Variants in FOXP1 observed in about 807,000 individuals in gnomAD.
FOXP1 encodes forkhead box protein P1.
Under a neutral mutation model 98.2 loss-of-function variants are expected in FOXP1, and 15 were observed. That is an observed-to-expected ratio of 0.15 (90% CI 0.10 to 0.24). FOXP1 has a LOEUF of 0.24. Among genes scored for constraint, FOXP1 ranks in the 10% least tolerant of loss-of-function variants. The probability of loss-of-function intolerance (pLI) is 1.00; values close to 1 mark genes in which losing one functional copy is unlikely to be tolerated. For missense variants in FOXP1, 633 were observed against 848.5 expected (o/e 0.75, Z 3.15); for synonymous variants, 371 against 314.5 (o/e 1.18, Z -1.90).
chr3:71,374,602 A>AAT (rs146114240), intron 3 of FOXP1, among the ~76,000 whole-genome samples: 36,134 of 151,584 alleles, frequency 0.24, 5,264 homozygotes, highest in Middle Eastern at 0.35. Flanking sequence ...CTCAAAAAAA[A>AAT]AAATAAAAAT....
intron 3 of FOXP1, among the ~76,000 whole-genome samples, chr3:71,361,258 C>G (rs879360804): frequency 6.6e-6 from 1 of 152,076 alleles, no homozygotes; most frequent in African/African-American, 2.4e-5. Flanking sequence ...ATCAGAGCAA[C>G]GAGATAATGA....
chr3:70,996,701 C>A (rs1035332481), intron 13 of FOXP1, among the ~76,000 whole-genome samples: 3 of 152,096 alleles, frequency 2.0e-5, no homozygotes, highest in African/African-American at 7.2e-5. Context: ...TCTGAATTGT[C>A]CTGTGGAATC....
chr3:71,195,043 G>A (rs1385448646), intron 6 of FOXP1, among the ~76,000 whole-genome samples: 1 of 152,132 alleles, frequency 6.6e-6, no homozygotes, highest in East Asian at 1.9e-4. Context: ...GCAGGCTGGA[G>A]GGCTCCCTGT....
intron 6 of FOXP1, among the ~76,000 whole-genome samples, chr3:71,123,020 C>G (rs2058891910): frequency 6.6e-6 from 1 of 152,128 alleles, no homozygotes; most frequent in Non-Finnish European, 1.5e-5. Flanking sequence ...TTTCCCCACA[C>G]AAAAGACTTG....
rs754750250 is a variant in FOXP1 at position 70,954,710 on chromosome 3, T to G, written c.*4537A>C. The G allele has an allele frequency of 1.4e-5, 3 of 222,076 alleles. No individual in the cohort carries two copies. The highest frequency in any genetic ancestry group is 4.5e-5 in the African/African-American group (2 of 44,746). 13.8% of individuals were successfully genotyped at this position (222,076 alleles called of 1,614,324 possible). A position where few individuals can be genotyped will look rare whatever the true frequency, so the allele number is the denominator to read the frequency against. On this transcript the variant is annotated 3_prime_UTR_variant, in exon 21 of 21. Coordinates refer to ENST00000649528, the MANE Select transcript of FOXP1 (RefSeq NM_001349338.3). ...AAACAAACTTAGGCTGTGGCAACTT[T>G]TACTACCAGCGTGAACAACCAGCAT...
intron 5 of FOXP1, among the ~76,000 whole-genome samples, chr3:71,204,730 G>T (rs1294790342): frequency 8.5e-6 from 1 of 117,766 alleles, no homozygotes; most frequent in Non-Finnish European, 1.7e-5. Context: ...CTACAAATGG[G>T]CTTGGATGGG....
At chr3:71,124,301 T>C (rs1478185824) in intron 6 of FOXP1, among the ~76,000 whole-genome samples, 1 of 151,664 alleles carries the variant, frequency 6.6e-6, no homozygotes, top group South Asian at 2.1e-4. Context: ...TCTCAGTTTT[T>C]GCCTTTTGAG....
chr3:71,262,644 G>C (rs576875718), intron 5 of FOXP1, among the ~76,000 whole-genome samples: 6 of 152,288 alleles, frequency 3.9e-5, no homozygotes, highest in Middle Eastern at 3.4e-3. Context: ...TCCCCTCATT[G>C]AGTGAGGGTC....
At chr3:71,391,759 C>A (rs1034052575) in intron 3 of FOXP1, among the ~76,000 whole-genome samples, 20 of 152,186 alleles carry the variant, frequency 1.3e-4, no homozygotes, top group African/African-American at 2.4e-4. Flanking sequence ...TTCTCTAGAG[C>A]TTCCTGAATT....
intron 3 of FOXP1, among the ~76,000 whole-genome samples, chr3:71,405,869 C>T (rs2082281155): frequency 6.6e-6 from 1 of 152,008 alleles, no homozygotes; most frequent in Non-Finnish European, 1.5e-5. Context: ...GCTGGGATTA[C>T]AGGTGCCCGC....
At chr3:71,198,432 G>GGGGGCC in intron 5 of FOXP1, 40 bp from the exon 6 acceptor site, 1 of 491,034 alleles carries the variant, frequency 2.0e-6, no homozygotes, top group East Asian at 5.7e-5. Flanking sequence ...GGGAGGGGGG[G>GGGGGCC]AGAAAAAAAA....
rs554275226 is a variant in FOXP1, at chr3:71,095,526, T to C, written c.282+17010A>G. 2.0e-5 allele frequency among the ~76,000 whole-genome samples: 3 copies of C among 152,240 alleles called. No individual in the cohort carries two copies. The East Asian group carries it at 5.8e-4, about 29-fold the overall frequency. ...GGTCTTCCTAGTTCCACACTGGCAG[T>C]TTTTTCTTTCCATATTTTGCAGAAT... On this transcript the variant is annotated intron_variant, in intron 7 of 20. Coordinates refer to ENST00000649528, the MANE Select transcript of FOXP1 (RefSeq NM_001349338.3).
chr3:71,526,518 A>C (rs1275607709), intron 2 of FOXP1, among the ~76,000 whole-genome samples: 2 of 152,222 alleles, frequency 1.3e-5, no homozygotes, highest in Admixed American at 1.3e-4. Flanking sequence ...ATTCCATCCA[A>C]AGCAGAAACG....
rs185933772 is a variant in FOXP1 at position 71,444,175 on chromosome 3, C to T, written c.-168+49251G>A. Reference sequence around the variant, plus strand: ...CCAACCACAGCTTACCACACGTGTACTCGGCCTACTTCCCTATTTTCAATG... The same window carrying T: ...CCAACCACAGCTTACCACACGTGTATTCGGCCTACTTCCCTATTTTCAATG... On this transcript the variant is annotated intron_variant, in intron 3 of 20. Transcript: ENST00000649528. Among the ~76,000 whole-genome samples, 5 of 152,346 alleles carry T rather than the reference C, an allele frequency of 3.3e-5. No individual in the cohort carries two copies. In the East Asian group the frequency reaches 9.6e-4, roughly 29 times the overall value.
chr3:71,529,233 C>G (rs2043635353), intron 2 of FOXP1, among the ~76,000 whole-genome samples: 1 of 152,212 alleles, frequency 6.6e-6, no homozygotes. Context: ...CTCAATACTT[C>G]ACATGCATAT....
At chr3:71,550,257 A>G (rs1319480914) in intron 2 of FOXP1, among the ~76,000 whole-genome samples, 1 of 152,182 alleles carries the variant, frequency 6.6e-6, no homozygotes, top group Non-Finnish European at 1.5e-5. Flanking sequence ...TATAAATCAC[A>G]TAGCAAAGCT....
intron 11 of FOXP1, among the ~76,000 whole-genome samples, chr3:71,019,017 T>C (rs2044978803): frequency 1.3e-5 from 2 of 152,352 alleles, no homozygotes; most frequent in South Asian, 2.1e-4. Flanking sequence ...GACTCGCTTC[T>C]AGCTTTGCAG....
chr3:71,271,452 A>G (rs906926486), intron 5 of FOXP1, among the ~76,000 whole-genome samples: 1 of 152,184 alleles, frequency 6.6e-6, no homozygotes, highest in Non-Finnish European at 1.5e-5. Context: ...TTAAGAGAAA[A>G]TTCACTGTAA....
intron 6 of FOXP1, chr3:71,130,419 G>T: frequency 7.0e-7 from 1 of 1,422,768 alleles, no homozygotes; most frequent in African/African-American, 1.4e-5. Flanking sequence ...GCCCTTCAGA[G>T]AATGTCTGCA....
Sources: allele counts gnomAD v4.1 joint callset (sites outside exome capture counted in the v4.1 genomes callset), GRCh38; gene constraint gnomAD v4.1.1; transcripts MANE v1.5; gene names NCBI Gene and HGNC (gene_info 2026-07-23, HGNC 2026-07-21).